Variants in ZRANB1 observed in about 807,000 individuals in gnomAD.
ZRANB1 encodes zinc finger RANBP2-type containing 1.
In ZRANB1, 16 loss-of-function variants were observed where a neutral mutation model predicts 80.5. That is an observed-to-expected ratio of 0.20 (90% CI 0.13 to 0.30). The LOEUF (loss-of-function observed/expected upper bound fraction) is 0.30. Among genes scored for constraint, ZRANB1 ranks in the 10% least tolerant of loss-of-function variants. ZRANB1 has a pLI of 1.00. For synonymous variants in ZRANB1, 291 were observed against 293.1 expected, an observed-to-expected ratio of 0.99 and a Z score of 0.07; for missense variants, 576 against 862.6, an observed-to-expected ratio of 0.67 and a Z score of 4.16.
chr10:124,916,895 T>C, the ZRANB1 span, among the ~76,000 whole-genome samples: 1 of 151,842 alleles, frequency 6.6e-6, no homozygotes, highest in Non-Finnish European at 1.5e-5. Context: ...GCGGGGTTTA[T>C]TTGGCTCCGG....
chr10:124,942,887 T>C lies in ZRANB1; in HGVS notation c.394T>C (p.Phe132Leu). 6.2e-7 allele frequency: 1 copy of C among 1,614,200 alleles called. No homozygotes were observed. The highest frequency in any genetic ancestry group is 1.1e-5 in the South Asian group (1 of 91,074). ...AGGATCTGGCTCAAGACCAGTTGCTTTTTCTGTTGATCCTTGTGAGGAATA... is the reference window on the plus strand; with the variant it reads ...AGGATCTGGCTCAAGACCAGTTGCTCTTTCTGTTGATCCTTGTGAGGAATA... The part of the protein sequence containing the change: ...SSGSGSRPVA[F>L]SVDPCEEYND... The change falls in exon 1 of 9, where the codon TTT becomes CTT. Residue 132 changes from phenylalanine to leucine, a missense_variant. Transcript: ENST00000359653.
Position 124,966,587 on chromosome 10 carries a change from G to GT in ZRANB1, c.815-3dup, listed in dbSNP as rs766842673. ...TAAATGCTTTTCTATCTTGATGCTT[G>GT]TTTTAGGGGTTGTAGAAGGTGATTT... On this transcript the variant is annotated splice_polypyrimidine_tract_variant and splice_region_variant and intron_variant, in intron 1 of 8. Transcript: ENST00000359653. 6.2e-7 allele frequency: 1 copy of GT among 1,610,146 alleles called. No homozygotes were observed. The highest frequency in any genetic ancestry group is 1.3e-5 in the African/African-American group (1 of 74,842).
At chr10:124,980,911 GTTTAAC>G (rs1338443455) in intron 5 of ZRANB1, among the ~76,000 whole-genome samples, 1 of 152,142 alleles carries the variant, frequency 6.6e-6, no homozygotes, top group Non-Finnish European at 1.5e-5. Flanking sequence ...ACGTGTTCAC[GTTTAAC>G]TTTAATATGC....
At chr10:124,929,428 A>G in the ZRANB1 span, among the ~76,000 whole-genome samples, 1 of 151,430 alleles carries the variant, frequency 6.6e-6, no homozygotes, top group South Asian at 2.1e-4. Flanking sequence ...GTCCGTCTAC[A>G]GTATTCAAGC....
At chr10:124,970,585 G>A (rs935425600) in intron 2 of ZRANB1, among the ~76,000 whole-genome samples, 1 of 152,138 alleles carries the variant, frequency 6.6e-6, no homozygotes, top group Non-Finnish European at 1.5e-5. Context: ...AGGGAGTCAG[G>A]TAACTGTGCT....
At chr10:124,934,640 G>A in the ZRANB1 span, among the ~76,000 whole-genome samples, 1 of 152,184 alleles carries the variant, frequency 6.6e-6, no homozygotes, top group Admixed American at 6.5e-5. Flanking sequence ...TTCTGATTAC[G>A]AATTGAGTTT....
chr10:124,959,212 T>G (rs1951710618), intron 1 of ZRANB1, among the ~76,000 whole-genome samples: 1 of 152,142 alleles, frequency 6.6e-6, no homozygotes, highest in Admixed American at 6.5e-5. Flanking sequence ...TTTGGTGACA[T>G]CTAAGCTGAA....
chr10:124,939,483 TTTTG>T (rs1310533540), upstream of ZRANB1, among the ~76,000 whole-genome samples: 2 of 152,194 alleles, frequency 1.3e-5, no homozygotes, highest in Non-Finnish European at 2.9e-5. Context: ...TATGACAGTT[TTTTG>T]TTTGTTTTTT....
the ZRANB1 span, among the ~76,000 whole-genome samples, chr10:124,920,976 G>C: frequency 6.6e-6 from 1 of 152,132 alleles, no homozygotes; most frequent in Non-Finnish European, 1.5e-5. Flanking sequence ...AAGTATTGGT[G>C]TTTCTGGGAC....
chr10:124,980,680 ATTATATT>A (rs1951923606), intron 5 of ZRANB1, among the ~76,000 whole-genome samples: 2 of 152,248 alleles, frequency 1.3e-5, no homozygotes, highest in African/African-American at 4.8e-5. Flanking sequence ...CCTCTGGAAC[ATTATATT>A]TTAATTTCTT....
At chr10:124,917,643 G>A in the ZRANB1 span, among the ~76,000 whole-genome samples, 1 of 152,206 alleles carries the variant, frequency 6.6e-6, no homozygotes, top group Admixed American at 6.5e-5. Context: ...GCAATAGGCC[G>A]TAAACACTTG....
upstream of ZRANB1, among the ~76,000 whole-genome samples, chr10:124,940,153 G>C (rs1447212584): frequency 2.6e-5 from 4 of 152,156 alleles, no homozygotes; most frequent in African/African-American, 9.7e-5. Context: ...ACAGGGTTAA[G>C]GTTATATAGA....
chr10:124,984,828 G>A lies in ZRANB1; in HGVS notation c.1963G>A (p.Val655Met), dbSNP rs1589859970. 5 of 1,614,018 alleles carry A rather than the reference G, an allele frequency of 3.1e-6. No homozygotes were observed. Among genetic ancestry groups the A allele is most frequent in the Non-Finnish European group, 4.2e-6 (5 of 1,180,018 alleles). The change falls in exon 9 of 9, where the codon GTG (valine) becomes ATG (methionine). Residue 655 changes from valine to methionine, a missense_variant. Around this residue, in one of 3 missense-constraint regions of ZRANB1, gnomAD observed 152 missense variants for 221.9 expected, o/e 0.69. Transcript: ENST00000359653. ...KLLREWLDCC[V>M]TEGGVLVAMQ... ...GCTCAGGGAGTGGCTGGACTGCTGTGTGACGGAGGGGGGAGTTCTGGTTGC... is the reference window on the plus strand; with the variant it reads ...GCTCAGGGAGTGGCTGGACTGCTGTATGACGGAGGGGGGAGTTCTGGTTGC...
intron 6 of ZRANB1, 89 bp downstream of exon 6, chr10:124,981,918 A>C (rs756474143): frequency 6.6e-7 from 1 of 1,517,272 alleles, no homozygotes; most frequent in African/African-American, 1.4e-5. Context: ...GTTGGGGGCA[A>C]TGTGGTCAAA....
At chr10:124,952,735 C>G (rs1426614441) in intron 1 of ZRANB1, among the ~76,000 whole-genome samples, 1 of 151,994 alleles carries the variant, frequency 6.6e-6, no homozygotes, top group African/African-American at 2.4e-5. Context: ...CTCAACCTCT[C>G]AAGTAGCTGG....
the ZRANB1 span, among the ~76,000 whole-genome samples, chr10:124,931,137 G>A: frequency 6.6e-6 from 1 of 152,102 alleles, no homozygotes; most frequent in African/African-American, 2.4e-5. Context: ...GTGCAGTGGT[G>A]TGATCATAGC....
the ZRANB1 span, among the ~76,000 whole-genome samples, chr10:124,933,557 G>A: frequency 1.3e-5 from 2 of 152,188 alleles, no homozygotes; most frequent in Admixed American, 1.3e-4. Flanking sequence ...TTCCATACAT[G>A]TTTAAGAAAA....
At chr10:124,949,960 T>TTCA (rs898765107) in intron 1 of ZRANB1, among the ~76,000 whole-genome samples, 12 of 152,260 alleles carry the variant, frequency 7.9e-5, no homozygotes, top group Admixed American at 1.3e-4. Context: ...ATCAATGACT[T>TTCA]ACGGACTGAA....
chr10:124,943,088 G>A lies in ZRANB1; in HGVS notation c.595G>A (p.Asp199Asn), dbSNP rs760913901. Residue 199 changes from aspartate to asparagine, a missense_variant, in exon 1 of 9, where the codon GAC (aspartate) becomes AAC (asparagine). Around this residue, in one of 3 missense-constraint regions of ZRANB1, gnomAD observed 411 missense variants for 583.1 expected, o/e 0.70. Coordinates refer to ENST00000359653, the MANE Select transcript of ZRANB1 (RefSeq NM_017580.3). ...GGCTTCTTCAATAATAAATGAGCAA[G>A]ACAGAGCTCGATGGAGGGGAAGTTG... Reference protein sequence around the residue: ...EEASSIINEQDRARWRGSCSS... With the variant: ...EEASSIINEQNRARWRGSCSS... 1 of 1,614,202 alleles carries A rather than the reference G, an allele frequency of 6.2e-7. No homozygotes were observed. Among genetic ancestry groups the A allele is most frequent in the East Asian group, 2.2e-5 (1 of 44,886 alleles).
Sources: allele counts gnomAD v4.1 joint callset (sites outside exome capture counted in the v4.1 genomes callset), GRCh38; gene constraint gnomAD v4.1.1; regional missense constraint gnomAD v4.1.1; transcripts MANE v1.5; gene names NCBI Gene and HGNC (gene_info 2026-07-23, HGNC 2026-07-21).